The following QTGAL variants were observed in gnomAD, a reference collection of about 807,000 sequenced individuals.
QTGAL encodes the protein queuosine-tRNA galactosyltransferase, also known as BGnT-like protein 1.
the QTGAL span, among the ~76,000 whole-genome samples, chr17:83,001,968 C>T: frequency 1.1e-4 from 16 of 151,972 alleles, no homozygotes; most frequent in African/African-American, 2.4e-4. Context: ...CACTATATTG[C>T]GCAGACTGGT....
the QTGAL span, among the ~76,000 whole-genome samples, chr17:82,970,149 C>A: frequency 3.6e-4 from 55 of 152,272 alleles, no homozygotes; most frequent in East Asian, 5.8e-3. Context: ...ACAGGGTGCC[C>A]CCTGGGACAT....
At chr17:83,025,709 G>A in the QTGAL span, among the ~76,000 whole-genome samples, 2 of 150,654 alleles carry the variant, frequency 1.3e-5, no homozygotes, top group East Asian at 1.9e-4. Flanking sequence ...GAGTCAAGGC[G>A]GGGCTGAGGG....
chr17:82,959,464 GT>G, the QTGAL span, among the ~76,000 whole-genome samples: 1 of 15,158 alleles, frequency 6.6e-5, no homozygotes, highest in African/African-American at 2.4e-4. Context: ...TGCACGTGCA[GT>G]GTGTGTGTGT....
At chr17:83,005,021 A>G in the QTGAL span, 3 of 1,047,532 alleles carry the variant, frequency 2.9e-6, no homozygotes. The surrounding 1 kb of genome is among the most constrained non-coding windows in gnomAD (Gnocchi z 5.6). Flanking sequence ...ACGGCCCACG[A>G]CGACGCAGAC....
chr17:83,050,691 C>T, the QTGAL span, among the ~76,000 whole-genome samples: 1 of 152,208 alleles, frequency 6.6e-6, no homozygotes, highest in African/African-American at 2.4e-5. Context: ...ACCCTGAGGG[C>T]CTTTGCTCCA....
the QTGAL span, among the ~76,000 whole-genome samples, chr17:83,016,413 AGAG>A: frequency 6.6e-6 from 1 of 151,702 alleles, no homozygotes; most frequent in Non-Finnish European, 1.5e-5. Context: ...GGGGCTGAAG[AGAG>A]GAGGCTGGGG....
At chr17:83,021,730 T>C in the QTGAL span, among the ~76,000 whole-genome samples, 1 of 152,202 alleles carries the variant, frequency 6.6e-6, no homozygotes, top group Non-Finnish European at 1.5e-5. Context: ...AGAACAAAGC[T>C]GGAAGACTTA....
At chr17:83,006,248 G>A in the QTGAL span, 16 of 985,432 alleles carry the variant, frequency 1.6e-5, no homozygotes, top group East Asian at 1.5e-3. The surrounding 1 kb of genome is among the most constrained non-coding windows in gnomAD (Gnocchi z 5.8). Flanking sequence ...GTCACACCGA[G>A]GCATCTGAGG....
chr17:82,990,293 G>A, the QTGAL span, among the ~76,000 whole-genome samples: 5 of 152,228 alleles, frequency 3.3e-5, no homozygotes, highest in Admixed American at 1.3e-4. Context: ...TCACTTTGCT[G>A]GTTTCTTTGG....
chr17:83,028,175 T>C, the QTGAL span, among the ~76,000 whole-genome samples: 1 of 150,950 alleles, frequency 6.6e-6, no homozygotes, highest in Non-Finnish European at 1.5e-5. Context: ...AGGTAAGAGG[T>C]GAGATATGGG....
the QTGAL span, among the ~76,000 whole-genome samples, chr17:83,010,103 G>C: frequency 1.5e-5 from 2 of 133,374 alleles, no homozygotes; most frequent in Non-Finnish European, 3.3e-5. Flanking sequence ...ACCCTGGTGT[G>C]GGGGGGGCTG....
At chr17:82,984,592 G>A in the QTGAL span, among the ~76,000 whole-genome samples, 3 of 134,828 alleles carry the variant, frequency 2.2e-5, no homozygotes, top group African/African-American at 5.6e-5. Context: ...CTACAGGGTC[G>A]TGCAGGGAAA....
At chr17:83,008,494 G>T in the QTGAL span, among the ~76,000 whole-genome samples, 1 of 152,140 alleles carries the variant, frequency 6.6e-6, no homozygotes, top group Non-Finnish European at 1.5e-5. Context: ...GGACACGGGG[G>T]GCTGTGCTCC....
chr17:82,960,850 C>T, the QTGAL span, among the ~76,000 whole-genome samples: 4 of 152,260 alleles, frequency 2.6e-5, no homozygotes, highest in South Asian at 2.1e-4. Flanking sequence ...CGCTCCCTGG[C>T]GCCCTTGGGA....
chr17:82,942,589 G>C, the QTGAL span: 1 of 1,330,486 alleles, frequency 7.5e-7, no homozygotes, highest in Non-Finnish European at 1.1e-6. Flanking sequence ...GGCCCTTGGA[G>C]GCTGGCACTA....
the QTGAL span, chr17:82,942,588 A>T: frequency 1.5e-6 from 2 of 1,335,172 alleles, no homozygotes; most frequent in Non-Finnish European, 2.1e-6. Context: ...TGGCCCTTGG[A>T]GGCTGGCACT....
chr17:82,986,826 T>C, the QTGAL span, among the ~76,000 whole-genome samples: 1 of 152,266 alleles, frequency 6.6e-6, no homozygotes, highest in Admixed American at 6.5e-5. Flanking sequence ...ATCCGTAATG[T>C]TGGGGCGTAT....
At chr17:82,983,078 C>T in the QTGAL span, among the ~76,000 whole-genome samples, 1 of 152,134 alleles carries the variant, frequency 6.6e-6, no homozygotes, top group Non-Finnish European at 1.5e-5. Context: ...GCCAGGAGTT[C>T]GAGACCAGCC....
the QTGAL span, among the ~76,000 whole-genome samples, chr17:83,023,674 C>T: frequency 6.6e-6 from 1 of 152,232 alleles, no homozygotes; most frequent in East Asian, 1.9e-4. Context: ...GGTCTCAAAA[C>T]CACCCAAGAC....
Sources: allele counts gnomAD v4.1 joint callset (sites outside exome capture counted in the v4.1 genomes callset), GRCh38; gene constraint gnomAD v4.1.1; non-coding constraint Gnocchi (gnomAD v3.1); transcripts MANE v1.5; gene names NCBI Gene and HGNC (gene_info 2026-07-23, HGNC 2026-07-21).